The following GUCY1A1 variants were observed in gnomAD, a reference collection of about 807,000 sequenced individuals.
GUCY1A1 encodes guanylate cyclase soluble subunit alpha-1.
Under a neutral mutation model 64.5 loss-of-function variants are expected in GUCY1A1, and 48 were observed. The observed-to-expected ratio is 0.74, with a 90% confidence interval of 0.59 to 0.95. GUCY1A1 has a LOEUF of 0.95. GUCY1A1 is among the 40% of genes least tolerant of loss of function. GUCY1A1 has a pLI of 0.00. For missense variants in GUCY1A1, 804 were observed against 825.3 expected (o/e 0.97, Z 0.32); for synonymous variants, 308 against 303.4 (o/e 1.02, Z -0.16).
At chr4:155,690,379 C>A (rs993167397) in intron 2 of GUCY1A1, among the ~76,000 whole-genome samples, 1 of 152,158 alleles carries the variant, frequency 6.6e-6, no homozygotes, top group Non-Finnish European at 1.5e-5. Context: ...CAACCCAGAT[C>A]TACCATCTGT....
At chr4:155,723,222 A>C (rs763800268) in intron 9 of GUCY1A1, among the ~76,000 whole-genome samples, 5 of 152,194 alleles carry the variant, frequency 3.3e-5, no homozygotes, top group Admixed American at 6.5e-5. Context: ...TCCCTATCAT[A>C]CAGGGAAGAA....
chr4:155,721,856 T>C (rs2126943383), intron 8 of GUCY1A1, among the ~76,000 whole-genome samples, 182 bp from the exon 9 acceptor site: 1 of 152,282 alleles, frequency 6.6e-6, no homozygotes, highest in South Asian at 2.1e-4. Context: ...TGACTGTTGA[T>C]TCTGCACTAG....
intron 8 of GUCY1A1, among the ~76,000 whole-genome samples, chr4:155,719,367 T>A (rs545184044): frequency 2.0e-4 from 30 of 152,072 alleles, no homozygotes; most frequent in African/African-American, 6.7e-4. Context: ...TTAACATGTA[T>A]CAGAAAGGAG....
At chr4:155,722,317 T>C in intron 9 of GUCY1A1, 125 bp downstream of exon 9, 2 of 1,449,662 alleles carry the variant, frequency 1.4e-6, no homozygotes. Flanking sequence ...AAAAGAAACG[T>C]GATAACTTTT....
At chr4:155,671,381 G>C (rs1431786526) in intron 2 of GUCY1A1, among the ~76,000 whole-genome samples, 5 of 152,100 alleles carry the variant, frequency 3.3e-5, no homozygotes, top group Admixed American at 3.3e-4. Flanking sequence ...GATTTAGCTG[G>C]ACAAAGAGAG....
At chr4:155,670,237 T>A (rs1394350931) in intron 2 of GUCY1A1, among the ~76,000 whole-genome samples, 1 of 152,228 alleles carries the variant, frequency 6.6e-6, no homozygotes, top group Admixed American at 6.5e-5. Flanking sequence ...ATTACTTTTC[T>A]GCACATTTGT....
At chr4:155,671,660 C>A (rs189103728) in intron 2 of GUCY1A1, among the ~76,000 whole-genome samples, 1 of 152,226 alleles carries the variant, frequency 6.6e-6, no homozygotes, top group Non-Finnish European at 1.5e-5. Context: ...ATACAGTAAG[C>A]ATTTCTTTGA....
chr4:155,719,975 G>A (rs1239875387), intron 8 of GUCY1A1, among the ~76,000 whole-genome samples: 3 of 152,080 alleles, frequency 2.0e-5, no homozygotes, highest in South Asian at 2.1e-4. Flanking sequence ...CTCAGGGCAC[G>A]ATGTGTGTCT....
rs1004618519 is a variant in GUCY1A1, at chr4:155,674,504, C to T, written c.-113+7085C>T. Among the ~76,000 whole-genome samples the T allele has an allele frequency of 4.6e-5, 7 of 151,510 alleles. No homozygotes were observed. The East Asian group carries it at 9.6e-4, about 21-fold the overall frequency. On this transcript the variant is annotated intron_variant, in intron 2 of 9. Transcript: ENST00000506455. Reference sequence around the variant, plus strand: ...GGTTAGATTACAAGTCCAGCATCTTCGTTCTTTATATGCTTATTCTAACAG... The same window carrying T: ...GGTTAGATTACAAGTCCAGCATCTTTGTTCTTTATATGCTTATTCTAACAG...
chr4:155,685,627 T>TTC (rs1553995079), intron 2 of GUCY1A1, among the ~76,000 whole-genome samples: 9 of 119,952 alleles, frequency 7.5e-5, no homozygotes, highest in Non-Finnish European at 8.9e-5. Context: ...TTTTTTTTTT[T>TTC]CTCTTTGCTG....
Position 155,733,232 on chromosome 4 carries a change from A to G in GUCY1A1, c.*3001A>G, listed in dbSNP as rs1228305117. 2.0e-5 allele frequency among the ~76,000 whole-genome samples: 3 copies of G among 151,834 alleles called. No homozygotes were observed. The highest frequency in any genetic ancestry group is 4.8e-5 in the African/African-American group (2 of 41,384). On this transcript the variant is annotated 3_prime_UTR_variant, in exon 10 of 10. Coordinates refer to ENST00000506455, the MANE Select transcript of GUCY1A1 (RefSeq NM_001130682.3). ...AAGTGAAAGACAAATGTAAGACATA[A>G]TTACAACATTCTGTGGGAGCACAAA...
chr4:155,718,087 A>G (rs11100010), intron 8 of GUCY1A1, among the ~76,000 whole-genome samples: 7,519 of 152,266 alleles, frequency 0.049, 626 homozygotes, highest in African/African-American at 0.17. Flanking sequence ...ATGAGGAAAT[A>G]AAGTTAACAT....
Position 155,722,041 on chromosome 4 carries a change from C to A in GUCY1A1, c.1720C>A (p.Arg574=). 6.2e-7 allele frequency: 1 copy of A among 1,606,992 alleles called. No homozygotes were observed. The highest frequency in any genetic ancestry group is 8.5e-7 in the Non-Finnish European group (1 of 1,175,216). ...TCATGTTATTTTTTGCTTTCAGATG[C>A]GAATTGGACTGCACTCTGGATCAGT... The part of the protein sequence containing the change: ...MSPHGEPIKM[R]IGLHSGSVFA... Residue 574 remains arginine (R), a synonymous_variant, in exon 9 of 10, where the codon CGA becomes AGA. Coordinates refer to ENST00000506455, the MANE Select transcript of GUCY1A1 (RefSeq NM_001130682.3).
At chr4:155,713,630 G>C (rs777240807) in intron 7 of GUCY1A1, 47 bp downstream of exon 7, 7 of 1,586,356 alleles carry the variant, frequency 4.4e-6, no homozygotes, top group Non-Finnish European at 6.0e-6. Flanking sequence ...AAACTCACTG[G>C]GGAACAAGCA....
chr4:155,717,136 T>A (rs751790913), intron 7 of GUCY1A1, 23 bp from the exon 8 acceptor site: 34 of 1,366,266 alleles, frequency 2.5e-5, no homozygotes, highest in Admixed American at 1.3e-4. Context: ...TTATTTATAG[T>A]ATGGAAAATA....
intron 2 of GUCY1A1, among the ~76,000 whole-genome samples, chr4:155,674,205 A>G (rs2126530441): frequency 6.6e-6 from 1 of 151,244 alleles, no homozygotes; most frequent in South Asian, 2.1e-4. Context: ...AATACAAAAA[A>G]TTAGCCGGGC....
At chr4:155,676,077 A>G (rs1734874155) in intron 2 of GUCY1A1, among the ~76,000 whole-genome samples, 1 of 151,434 alleles carries the variant, frequency 6.6e-6, no homozygotes, top group Non-Finnish European at 1.5e-5. Flanking sequence ...AGGTTGCCCA[A>G]TAGCAGTGGT....
At chr4:155,680,944 CACAT>C (rs1278586742) in intron 2 of GUCY1A1, among the ~76,000 whole-genome samples, 2 of 143,118 alleles carry the variant, frequency 1.4e-5, no homozygotes, top group Admixed American at 1.4e-4. Flanking sequence ...CACACACACA[CACAT>C]GCACACACAC....
intron 6 of GUCY1A1, among the ~76,000 whole-genome samples, chr4:155,712,156 C>T (rs1377742015): frequency 1.3e-5 from 2 of 152,074 alleles, no homozygotes; most frequent in East Asian, 1.9e-4. Flanking sequence ...ATTTAGACTG[C>T]GTCTTGCTCT....
Sources: allele counts gnomAD v4.1 joint callset (sites outside exome capture counted in the v4.1 genomes callset), GRCh38; gene constraint gnomAD v4.1.1; transcripts MANE v1.5; gene names NCBI Gene and HGNC (gene_info 2026-07-23, HGNC 2026-07-21).